The following TRMT11 variants were observed in gnomAD, a reference collection of about 807,000 sequenced individuals.
TRMT11 encodes the protein tRNA methyltransferase 11.
Under a neutral mutation model 62.8 loss-of-function variants are expected in TRMT11, and 53 were observed. The ratio of observed to expected loss-of-function variants is 0.84; its 90% CI spans 0.68 to 1.06. The LOEUF (loss-of-function observed/expected upper bound fraction) is 1.06, where lower values mean the gene tolerates loss of function less well. TRMT11 is among the 50% of genes least tolerant of loss of function. The pLI is 0.00. For synonymous variants in TRMT11, 188 were observed against 190.3 expected (o/e 0.99, Z 0.10); for missense variants, 556 against 553.4 (o/e 1.00, Z -0.05).
chr6:126,190,900 AC>A (rs1456373560), intron 1 of TRMT11, among the ~76,000 whole-genome samples: 9 of 152,224 alleles, frequency 5.9e-5, no homozygotes, highest in Non-Finnish European at 8.8e-5. Context: ...GCTGCAATAG[AC>A]ACAGGAGTGC....
the TRMT11 span, among the ~76,000 whole-genome samples, chr6:126,229,719 TAA>T: frequency 6.6e-6 from 1 of 152,206 alleles, no homozygotes; most frequent in Non-Finnish European, 1.5e-5. Context: ...CCTCTGGCTT[TAA>T]CTTCTTTCCT....
chr6:126,175,100 T>G (rs1218302701), upstream of TRMT11, among the ~76,000 whole-genome samples: 1 of 152,226 alleles, frequency 6.6e-6, no homozygotes, highest in African/African-American at 2.4e-5. Flanking sequence ...CATATTGGAA[T>G]GTTTTGTATC....
intron 21 of TRMT11, among the ~76,000 whole-genome samples, chr6:126,154,777 G>T (rs1320313157): frequency 6.6e-6 from 1 of 152,152 alleles, no homozygotes; most frequent in Non-Finnish European, 1.5e-5. Context: ...TGTCCTCCTG[G>T]TTCCTGCAGG....
intron 12 of TRMT11, among the ~76,000 whole-genome samples, chr6:126,024,843 G>T (rs1206315589): frequency 1.3e-5 from 2 of 152,144 alleles, no homozygotes; most frequent in Non-Finnish European, 2.9e-5. Flanking sequence ...AAGGCATTTT[G>T]ATAATTCAGA....
chr6:126,217,811 C>G, the TRMT11 span, among the ~76,000 whole-genome samples: 3 of 152,142 alleles, frequency 2.0e-5, no homozygotes, highest in South Asian at 4.1e-4. Flanking sequence ...TGAAATCAGT[C>G]AGGTTTGTGT....
chr6:126,211,838 G>A, the TRMT11 span, among the ~76,000 whole-genome samples: 5 of 151,908 alleles, frequency 3.3e-5, no homozygotes, highest in Non-Finnish European at 5.9e-5. Context: ...ATTGATTACA[G>A]TTTCCCTGTT....
chr6:126,092,731 G>A (rs1469508142), intron 17 of TRMT11, among the ~76,000 whole-genome samples: 4 of 152,108 alleles, frequency 2.6e-5, no homozygotes, highest in Admixed American at 1.3e-4. Flanking sequence ...CATGGCAATT[G>A]CAACTTCTGC....
chr6:125,995,837 G>T, intron 2 of TRMT11, 130 bp from the exon 3 acceptor site: 6 of 637,640 alleles, frequency 9.4e-6, no homozygotes, highest in African/African-American at 1.9e-5. Flanking sequence ...TTTTATTTTG[G>T]TTACAGTCAG....
At chr6:126,083,935 GGACT>G (rs368372024) in intron 17 of TRMT11, among the ~76,000 whole-genome samples, 234 of 152,122 alleles carry the variant, frequency 1.5e-3, no homozygotes, top group African/African-American at 5.2e-3. Flanking sequence ...TTCTTTTTTA[GGACT>G]GACTAATATT....
At chr6:126,169,998 T>C (rs192336204) in intron 21 of TRMT11, among the ~76,000 whole-genome samples, 161 of 152,256 alleles carry the variant, frequency 1.1e-3, no homozygotes, top group African/African-American at 3.8e-3. Flanking sequence ...TATATAGTCT[T>C]TTTCCAGGAA....
At chr6:126,102,756 A>T (rs1051623931) in intron 17 of TRMT11, among the ~76,000 whole-genome samples, 4 of 152,122 alleles carry the variant, frequency 2.6e-5, no homozygotes, top group Admixed American at 2.6e-4. Flanking sequence ...TCTTCTAGTA[A>T]GTATAAAAAA....
At chr6:126,056,075 G>T (rs1045720793) in intron 17 of TRMT11, among the ~76,000 whole-genome samples, 3 of 152,160 alleles carry the variant, frequency 2.0e-5, no homozygotes, top group African/African-American at 7.2e-5. Context: ...AAAGAACCAG[G>T]AGTAAGATGT....
intron 21 of TRMT11, among the ~76,000 whole-genome samples, chr6:126,162,024 G>T (rs575865212): frequency 6.6e-6 from 1 of 152,154 alleles, no homozygotes; most frequent in Non-Finnish European, 1.5e-5. Context: ...TATTCACTTT[G>T]ATGATAGTTT....
At chr6:126,059,045 C>CTTTT (rs1036996695) in intron 17 of TRMT11, among the ~76,000 whole-genome samples, 11 of 128,120 alleles carry the variant, frequency 8.6e-5, no homozygotes, top group African/African-American at 1.6e-4. Context: ...CTCTACTTAT[C>CTTTT]TTTTTTTTTT....
chr6:126,237,699 A>G, the TRMT11 span, among the ~76,000 whole-genome samples: 2 of 152,158 alleles, frequency 1.3e-5, no homozygotes, highest in African/African-American at 4.8e-5. Context: ...ATAAATAAAT[A>G]AAAAGTCTCT....
At chr6:126,087,675 T>C (rs1196474801) in intron 17 of TRMT11, among the ~76,000 whole-genome samples, 1 of 152,238 alleles carries the variant, frequency 6.6e-6, no homozygotes, top group East Asian at 1.9e-4. Context: ...GAGAGCCTTG[T>C]AGGAGGCAGG....
At chr6:126,004,352 C>T (rs1335396014) in intron 7 of TRMT11, among the ~76,000 whole-genome samples, 1 of 151,954 alleles carries the variant, frequency 6.6e-6, no homozygotes, top group African/African-American at 2.4e-5. Context: ...TCTGACTGTT[C>T]ATATAGTACA....
chr6:126,251,788 C>T, the TRMT11 span, among the ~76,000 whole-genome samples: 1 of 152,194 alleles, frequency 6.6e-6, no homozygotes, highest in Non-Finnish European at 1.5e-5. Flanking sequence ...GCCCTCTATC[C>T]TCTGTTCTAA....
At chr6:126,091,149 A>G (rs1777271450) in intron 17 of TRMT11, among the ~76,000 whole-genome samples, 1 of 151,246 alleles carries the variant, frequency 6.6e-6, no homozygotes, top group Non-Finnish European at 1.5e-5. Context: ...GGTTGCAGTG[A>G]GCCGAGATCG....
Sources: gnomAD v4.1 joint callset for allele counts (sites outside exome capture counted in the v4.1 genomes callset) on GRCh38, gnomAD v4.1.1 for gene constraint, MANE v1.5 for transcripts, NCBI Gene and HGNC (gene_info 2026-07-23, HGNC 2026-07-21) for gene names.